The following TAFA1 variants were observed in gnomAD, a reference collection of about 807,000 sequenced individuals.
The protein encoded by TAFA1 is chemokine-like protein TAFA-1.
A neutral mutation model predicts 18.5 loss-of-function variants in TAFA1; 4 were observed. The observed-to-expected ratio is 0.22, with a 90% CI of 0.11 to 0.49. The LOEUF (loss-of-function observed/expected upper bound fraction) is 0.49, where lower values mean the gene tolerates loss of function less well. Ranked by LOEUF, TAFA1 falls within the 20% of genes least tolerant of loss-of-function variation. The pLI, the probability that TAFA1 is intolerant of heterozygous loss-of-function variation, is 0.98. For synonymous variants in TAFA1, 56 were observed against 55.2 expected, an observed-to-expected ratio of 1.01 and a Z score of -0.06; for missense variants, 147 against 169.0, an observed-to-expected ratio of 0.87 and a Z score of 0.72.
chr3:68,101,263 CT>C lies in TAFA1; in HGVS notation c.118+94526del, dbSNP rs769662719. On this transcript the variant is annotated intron_variant, in intron 2 of 4. Transcript: ENST00000478136. ...TTTCAAAGGCTTGAAGGTGTGATTT[CT>C]TTTTTTATTTTTATTTTTATTTTAT... Among the ~76,000 whole-genome samples, 76 of 150,854 alleles carry C rather than the reference CT, an allele frequency of 5.0e-4. 1 individual carries two copies. The East Asian group carries it at 0.015, about 29-fold the overall frequency.
intron 2 of TAFA1, among the ~76,000 whole-genome samples, chr3:68,238,716 A>T (rs1352694972): frequency 1.3e-5 from 2 of 152,186 alleles, no homozygotes; most frequent in African/African-American, 4.8e-5. Context: ...CTTAACAGAA[A>T]CATGGACATT....
intron 2 of TAFA1, among the ~76,000 whole-genome samples, chr3:68,148,592 C>A (rs1407250579): frequency 6.6e-6 from 1 of 152,176 alleles, no homozygotes; most frequent in African/African-American, 2.4e-5. Flanking sequence ...AGCGTTTGGC[C>A]TGTGTCTGTG....
chr3:68,485,633 C>A (rs1183909424), intron 3 of TAFA1, among the ~76,000 whole-genome samples: 1 of 152,160 alleles, frequency 6.6e-6, no homozygotes, highest in African/African-American at 2.4e-5. Flanking sequence ...CTTGCATATA[C>A]CTGGTAAAGA....
At chr3:68,018,244 A>G (rs1400857951) in intron 2 of TAFA1, among the ~76,000 whole-genome samples, 1 of 152,206 alleles carries the variant, frequency 6.6e-6, no homozygotes, top group Non-Finnish European at 1.5e-5. Flanking sequence ...GAGAGTCTCT[A>G]TGGAACACAA....
intron 2 of TAFA1, among the ~76,000 whole-genome samples, chr3:68,306,534 A>C (rs1212931180): frequency 1.3e-5 from 2 of 152,186 alleles, no homozygotes; most frequent in Non-Finnish European, 1.5e-5. Context: ...TTAAATTTAC[A>C]TGCTGTCAAA....
At chr3:68,427,305 G>T (rs1001609843) in intron 3 of TAFA1, among the ~76,000 whole-genome samples, 3 of 151,834 alleles carry the variant, frequency 2.0e-5, no homozygotes, top group African/African-American at 7.2e-5. Flanking sequence ...AATCTAAGGA[G>T]TCAGCTCCTC....
chr3:68,486,132 AT>A (rs1268395657), intron 3 of TAFA1, among the ~76,000 whole-genome samples: 1 of 138,820 alleles, frequency 7.2e-6, no homozygotes, highest in African/African-American at 2.6e-5. Flanking sequence ...ATTTTATTTT[AT>A]TTTATTTTAT....
intron 3 of TAFA1, among the ~76,000 whole-genome samples, chr3:68,431,017 C>T (rs926759804): frequency 6.6e-6 from 1 of 151,910 alleles, no homozygotes; most frequent in Admixed American, 6.6e-5. Context: ...TCCTGATTGG[C>T]ACTTAAGTTA....
At chr3:68,057,091 A>C (rs907539101) in intron 2 of TAFA1, among the ~76,000 whole-genome samples, 4 of 152,204 alleles carry the variant, frequency 2.6e-5, no homozygotes, top group African/African-American at 7.2e-5. Flanking sequence ...GCCCTTGGCC[A>C]GCAATTTGAT....
intron 2 of TAFA1, among the ~76,000 whole-genome samples, chr3:68,043,404 GT>G: frequency 6.6e-6 from 1 of 152,202 alleles, no homozygotes; most frequent in African/African-American, 2.4e-5. Context: ...GAGCCTCTGA[GT>G]TTTTCTATAA....
intron 2 of TAFA1, among the ~76,000 whole-genome samples, chr3:68,045,072 G>A (rs998450600): frequency 2.0e-5 from 3 of 152,150 alleles, no homozygotes; most frequent in South Asian, 2.1e-4. Context: ...CTAGGAGTGT[G>A]CTGATCTTGG....
intron 2 of TAFA1, among the ~76,000 whole-genome samples, chr3:68,325,970 C>A (rs1427575893): frequency 6.6e-6 from 1 of 152,148 alleles, no homozygotes; most frequent in African/African-American, 2.4e-5. Flanking sequence ...AGCTGTTACA[C>A]AAGGGACTCA....
intron 2 of TAFA1, among the ~76,000 whole-genome samples, chr3:68,140,044 T>A (rs529558119): frequency 6.6e-6 from 1 of 152,322 alleles, no homozygotes; most frequent in African/African-American, 2.4e-5. Flanking sequence ...CAAGTTGGCT[T>A]TCCTGTGGTT....
At chr3:68,415,706 G>A (rs193194011) in intron 2 of TAFA1, among the ~76,000 whole-genome samples, 4 of 151,822 alleles carry the variant, frequency 2.6e-5, no homozygotes, top group Non-Finnish European at 4.4e-5. Flanking sequence ...TGTCAGGCTC[G>A]GCACTAACCC....
chr3:68,143,041 A>G (rs2065690032), intron 2 of TAFA1, among the ~76,000 whole-genome samples: 1 of 152,194 alleles, frequency 6.6e-6, no homozygotes, highest in Admixed American at 6.5e-5. Context: ...GGGAACTCCA[A>G]AATATCAAGT....
intron 4 of TAFA1, among the ~76,000 whole-genome samples, chr3:68,539,130 G>C (rs528796544): frequency 6.6e-6 from 1 of 152,306 alleles, no homozygotes; most frequent in East Asian, 1.9e-4. Context: ...TCCAGCCAGA[G>C]TGGAGAGGAA....
chr3:68,265,723 A>C (rs566941110), intron 2 of TAFA1, among the ~76,000 whole-genome samples: 233 of 152,228 alleles, frequency 1.5e-3, no homozygotes, highest in Non-Finnish European at 2.7e-3. Context: ...GGCGCAAGAT[A>C]CTCAGATCCG....
At chr3:68,342,002 A>G (rs565390264) in intron 2 of TAFA1, among the ~76,000 whole-genome samples, 30 of 152,288 alleles carry the variant, frequency 2.0e-4, no homozygotes, top group African/African-American at 7.0e-4. Flanking sequence ...GAAGAATGGG[A>G]TCTTGCTGAA....
chr3:68,463,214 G>A lies in TAFA1; in HGVS notation c.259+45794G>A, dbSNP rs191767530. On this transcript the variant is annotated intron_variant, in intron 3 of 4. Coordinates refer to ENST00000478136, the MANE Select transcript of TAFA1 (RefSeq NM_213609.4). ...AGAGTCAGCCAGTAAATTAACAGCA[G>A]CAGAACACCATTAAATTTTAAACTT... 3.3e-5 allele frequency among the ~76,000 whole-genome samples: 5 copies of A among 152,258 alleles called. No individual in the cohort carries two copies. The East Asian group carries it at 9.7e-4, about 29-fold the overall frequency.
Sources: gnomAD v4.1 joint callset for allele counts (sites outside exome capture counted in the v4.1 genomes callset) on GRCh38, gnomAD v4.1.1 for gene constraint, MANE v1.5 for transcripts, NCBI Gene and HGNC (gene_info 2026-07-23, HGNC 2026-07-21) for gene names.